Variants in LCLAT1 observed in about 807,000 individuals in gnomAD.
LCLAT1 encodes the protein lysocardiolipin acyltransferase 1, also known as 1-AGP acyltransferase 8.
A neutral mutation model predicts 30.7 loss-of-function variants in LCLAT1; 11 were observed. The observed-to-expected ratio is 0.36, with a 90% confidence interval of 0.23 to 0.59. LCLAT1 has a LOEUF of 0.59. Among genes scored for constraint, LCLAT1 ranks in the 20% least tolerant of loss-of-function variants. The probability of loss-of-function intolerance (pLI) is 0.77; values close to 1 mark genes in which losing one functional copy is unlikely to be tolerated. For missense variants in LCLAT1, 402 were observed against 458.6 expected, an observed-to-expected ratio of 0.88 and a Z score of 1.13; for synonymous variants, 155 against 151.3, an observed-to-expected ratio of 1.02 and a Z score of -0.18.
intron 5 of LCLAT1, among the ~76,000 whole-genome samples, chr2:30,614,199 G>C (rs1484505686): frequency 2.7e-4 from 24 of 88,720 alleles, no homozygotes; most frequent in Non-Finnish European, 4.5e-4. Flanking sequence ...TGACTCTTAA[G>C]GAGCATGCTG....
At chr2:30,498,160 G>T (rs1684207871) in intron 1 of LCLAT1, among the ~76,000 whole-genome samples, 1 of 152,174 alleles carries the variant, frequency 6.6e-6, no homozygotes, top group Non-Finnish European at 1.5e-5. Context: ...ACTGAGAGGG[G>T]GCCTGAAAGA....
intron 3 of LCLAT1, among the ~76,000 whole-genome samples, chr2:30,534,364 A>T (rs1344790051): frequency 2.6e-5 from 4 of 151,180 alleles, no homozygotes; most frequent in African/African-American, 9.7e-5. Flanking sequence ...TGCAAGCTCC[A>T]CCTCGCAGGT....
At chr2:30,495,876 T>C (rs192234313) in intron 1 of LCLAT1, among the ~76,000 whole-genome samples, 46 of 152,308 alleles carry the variant, frequency 3.0e-4, no homozygotes, top group African/African-American at 9.1e-4. Flanking sequence ...TATTCTTGAC[T>C]TCTTTGCTGT....
chr2:30,455,177 A>G (rs776140483), intron 1 of LCLAT1, among the ~76,000 whole-genome samples: 2 of 152,158 alleles, frequency 1.3e-5, no homozygotes, highest in Non-Finnish European at 2.9e-5. Context: ...CTGTAAAAAA[A>G]TTTAGGAGTG....
intron 1 of LCLAT1, among the ~76,000 whole-genome samples, chr2:30,484,502 C>T (rs1311664069): frequency 2.0e-5 from 3 of 152,106 alleles, no homozygotes; most frequent in Non-Finnish European, 2.9e-5. Context: ...TTCATTATAA[C>T]TTCCTGGCTT....
chr2:30,518,711 A>G (rs1014858374), intron 1 of LCLAT1, among the ~76,000 whole-genome samples: 2 of 152,200 alleles, frequency 1.3e-5, no homozygotes, highest in Admixed American at 1.3e-4. Context: ...TACCAGAGGA[A>G]GCAGAATGGT....
intron 1 of LCLAT1, among the ~76,000 whole-genome samples, chr2:30,496,111 A>T (rs959500696): frequency 1.3e-5 from 2 of 152,098 alleles, no homozygotes; most frequent in African/African-American, 2.4e-5. Context: ...AGGAAGAGAA[A>T]GGGGGAAGTG....
At chr2:30,562,832 A>G (rs969571191) in intron 4 of LCLAT1, among the ~76,000 whole-genome samples, 3 of 151,772 alleles carry the variant, frequency 2.0e-5, no homozygotes, top group African/African-American at 7.3e-5. Context: ...GACCCTTCCT[A>G]CTCCTCAGCG....
intron 2 of LCLAT1, among the ~76,000 whole-genome samples, chr2:30,532,091 T>C (rs1161485556): frequency 1.3e-5 from 2 of 152,200 alleles, no homozygotes; most frequent in African/African-American, 4.8e-5. Flanking sequence ...TATCTTAATC[T>C]TTTAGAAAGT....
chr2:30,633,286 AC>A (rs1668854770), intron 5 of LCLAT1, among the ~76,000 whole-genome samples: 1 of 152,210 alleles, frequency 6.6e-6, no homozygotes, highest in Non-Finnish European at 1.5e-5. Context: ...AAGCTACTTA[AC>A]TCAAAACTCT....
At chr2:30,591,283 G>A (rs765180220) in intron 5 of LCLAT1, among the ~76,000 whole-genome samples, 1 of 152,000 alleles carries the variant, frequency 6.6e-6, no homozygotes, top group Non-Finnish European at 1.5e-5. Context: ...TACCTGCTTC[G>A]GGATTACTGT....
chr2:30,537,732 T>A (rs1663861361), intron 3 of LCLAT1, among the ~76,000 whole-genome samples: 1 of 152,156 alleles, frequency 6.6e-6, no homozygotes, highest in South Asian at 2.1e-4. Context: ...ATAGACCAAG[T>A]GGACCTAACA....
At position 30,494,847 on chromosome 2, in the gene LCLAT1, A is replaced by G. The variant is rs1396704073; in HGVS notation, c.-4-30740A>G. 5.5e-5 allele frequency among the ~76,000 whole-genome samples: 8 copies of G among 146,608 alleles called. No individual in the cohort carries two copies. The East Asian group carries it at 1.6e-3, about 29-fold the overall frequency. ...TTTAATTTTTTTTTTTTTGAAATTT[A>G]TCACTGATTTTTCTGTTTGGGGGGT... On this transcript the variant is annotated intron_variant, in intron 1 of 5. Coordinates refer to ENST00000379509, the MANE Select transcript of LCLAT1 (RefSeq NM_001002257.3).
intron 1 of LCLAT1, among the ~76,000 whole-genome samples, chr2:30,521,229 C>T (rs1006761196): frequency 2.0e-5 from 3 of 152,182 alleles, no homozygotes; most frequent in Non-Finnish European, 2.9e-5. Context: ...TAATCCATCC[C>T]TTGTTTAGCA....
At chr2:30,601,307 T>C (rs1444629991) in intron 5 of LCLAT1, among the ~76,000 whole-genome samples, 2 of 152,194 alleles carry the variant, frequency 1.3e-5, no homozygotes. Context: ...TCAAATAATC[T>C]GTATAGTTTT....
intron 3 of LCLAT1, among the ~76,000 whole-genome samples, chr2:30,547,236 T>C (rs1664466723): frequency 6.6e-6 from 1 of 152,192 alleles, no homozygotes; most frequent in Non-Finnish European, 1.5e-5. Context: ...AGCTACTTAT[T>C]AACTATGCTA....
intron 5 of LCLAT1, among the ~76,000 whole-genome samples, chr2:30,621,955 C>T (rs760201282): frequency 2.6e-5 from 4 of 152,106 alleles, no homozygotes; most frequent in South Asian, 4.1e-4. Context: ...ACAGAAGATG[C>T]GGCAGGCTGG....
chr2:30,528,918 A>G (rs915360784), intron 2 of LCLAT1, among the ~76,000 whole-genome samples: 4 of 152,186 alleles, frequency 2.6e-5, no homozygotes, highest in African/African-American at 9.6e-5. Flanking sequence ...TAGTTTTGAG[A>G]TAGTGAACAT....
At chr2:30,600,232 A>G (rs1667120655) in intron 5 of LCLAT1, among the ~76,000 whole-genome samples, 2 of 152,216 alleles carry the variant, frequency 1.3e-5, no homozygotes, top group Admixed American at 6.5e-5. Flanking sequence ...CCATACAACT[A>G]CATGGAAATT....
Sources: gnomAD v4.1 joint callset for allele counts (sites outside exome capture counted in the v4.1 genomes callset) on GRCh38, gnomAD v4.1.1 for gene constraint, MANE v1.5 for transcripts, NCBI Gene and HGNC (gene_info 2026-07-23, HGNC 2026-07-21) for gene names.